MYH9: variants seen among roughly 807,000 people sequenced by gnomAD.
MYH9 encodes myosin-9.
A neutral mutation model predicts 241.9 loss-of-function variants in MYH9; 29 were observed. The observed-to-expected ratio is 0.12, with a 90% confidence interval of 0.09 to 0.16. The LOEUF (loss-of-function observed/expected upper bound fraction) is 0.16. Ranked by LOEUF, MYH9 falls within the 10% of genes least tolerant of loss-of-function variation. MYH9 has a pLI of 1.00. For missense variants in MYH9, 1,803 were observed against 2,595.5 expected (o/e 0.69, Z 6.63); for synonymous variants, 1,047 against 1,062.6 (o/e 0.99, Z 0.29).
chr22:36,327,803 T>C (rs918364958), intron 3 of MYH9, among the ~76,000 whole-genome samples: 1 of 152,192 alleles, frequency 6.6e-6, no homozygotes, highest in East Asian at 1.9e-4. Flanking sequence ...AGGAGTCGAC[T>C]TCCCTGGGAG....
chr22:36,292,101 T>C lies in MYH9; in HGVS notation c.4229A>G (p.Lys1410Arg). 2 of 1,614,180 alleles carry C rather than the reference T, an allele frequency of 1.2e-6. No individual in the cohort carries two copies. Among genetic ancestry groups the C allele is most frequent in the Middle Eastern group, 1.6e-4 (1 of 6,062 alleles). Residue 1410 changes from lysine (K) to arginine (R), a missense_variant, in exon 31 of 41, where the codon AAG becomes AGG. By Grantham distance (26) the Lys-to-Arg change is conservative. This residue lies in a region of MYH9 where 876 missense variants were observed against 1,077.8 expected (regional missense o/e 0.81). Coordinates refer to ENST00000216181, the MANE Select transcript of MYH9 (RefSeq NM_002473.6). ...RHEEKVAAYDKLEKTKTRLQQ... is the reference protein window; with the variant it reads ...RHEEKVAAYDRLEKTKTRLQQ... ...CAGCCGCGTCTTGGTCTTCTCCAGC[T>C]TGTCGTAGGCGGCCACCTTCTCCTC...
intron 18 of MYH9, 104 bp downstream of exon 18, chr22:36,304,929 G>A: frequency 2.6e-6 from 3 of 1,147,078 alleles, no homozygotes; most frequent in Non-Finnish European, 3.9e-6. Context: ...CACAGCCTGG[G>A]CATCCACCGA....
chr22:36,303,911 G>A (rs2016928543), intron 19 of MYH9, 84 bp downstream of exon 19: 23 of 1,519,062 alleles, frequency 1.5e-5, no homozygotes, highest in Middle Eastern at 2.0e-4. Context: ...TGGCTGCAGC[G>A]GGGTGGCCTG....
intron 1 of MYH9, among the ~76,000 whole-genome samples, chr22:36,360,267 G>A (rs1294409001): frequency 6.6e-6 from 1 of 152,138 alleles, no homozygotes; most frequent in East Asian, 1.9e-4. Context: ...CATCCATAGA[G>A]GACAGTTCTC....
At chr22:36,318,380 G>C in intron 10 of MYH9, 55 bp from the exon 11 acceptor site, 1 of 1,385,308 alleles carries the variant, frequency 7.2e-7, no homozygotes, top group East Asian at 2.3e-5. Context: ...AGACCCAAGA[G>C]AGAAAGTTCT....
At chr22:36,301,859 C>G in intron 20 of MYH9, 194 bp from the exon 21 acceptor site, 1 of 669,440 alleles carries the variant, frequency 1.5e-6, no homozygotes, top group Non-Finnish European at 2.6e-6. Flanking sequence ...AACTACATTC[C>G]AGGGAAACTA....
chr22:36,335,320 C>T (rs149615495), intron 3 of MYH9, among the ~76,000 whole-genome samples: 63 of 152,374 alleles, frequency 4.1e-4, no homozygotes, highest in African/African-American at 1.3e-3. Flanking sequence ...TCTTGGAGAG[C>T]CCACGCTGCC....
Position 36,282,639 on chromosome 22 carries a change from C to T in MYH9, c.*29G>A. 1 of 1,598,722 alleles carries T rather than the reference C, an allele frequency of 6.3e-7. No individual in the cohort carries two copies. The highest frequency in any genetic ancestry group is 8.6e-7 in the Non-Finnish European group (1 of 1,166,722). On this transcript the variant is annotated 3_prime_UTR_variant, in exon 41 of 41. Coordinates refer to ENST00000216181, the MANE Select transcript of MYH9 (RefSeq NM_002473.6). The stretch of plus-strand genomic sequence containing the variant: ...GGGGAGGCTGTGGTGTCTGTCTGTC[C>T]ATCCATCTCAGGCTGCAGGAGAAGA...
intron 27 of MYH9, 113 bp downstream of exon 27, chr22:36,294,819 G>A: frequency 1.4e-6 from 2 of 1,460,626 alleles, no homozygotes; most frequent in Non-Finnish European, 1.9e-6. Context: ...CCTGGCCTCA[G>A]AACCAGGCAG....
intron 27 of MYH9, among the ~76,000 whole-genome samples, chr22:36,294,705 T>C (rs1037325012): frequency 1.3e-5 from 2 of 152,236 alleles, no homozygotes; most frequent in Non-Finnish European, 2.9e-5. Flanking sequence ...AAAGTAACGA[T>C]GTAATGTTTT....
intron 3 of MYH9, among the ~76,000 whole-genome samples, chr22:36,334,231 C>T (rs1159473126): frequency 4.6e-5 from 7 of 152,190 alleles, no homozygotes; most frequent in South Asian, 2.1e-4. Context: ...ATGCTGGGGC[C>T]GGGCTTTCCT....
At chr22:36,321,409 A>G (rs997853771) in intron 7 of MYH9, among the ~76,000 whole-genome samples, 2 of 152,232 alleles carry the variant, frequency 1.3e-5, no homozygotes, top group Admixed American at 6.5e-5. Flanking sequence ...GCCTTGTCTC[A>G]TTCTTACAGG....
chr22:36,360,030 A>ACCACCACCACCAC (rs2017912746), intron 1 of MYH9, among the ~76,000 whole-genome samples: 1 of 102,160 alleles, frequency 9.8e-6, no homozygotes, highest in Non-Finnish European at 2.1e-5. Flanking sequence ...ATGAGGACAA[A>ACCACCACCACCAC]CACCACCACC....
rs1311867012 is a variant in MYH9, at chr22:36,298,921, T to C, written c.3098A>G (p.Glu1033Gly). Residue 1033 changes from glutamate to glycine, a missense_variant and splice_region_variant, in exon 24 of 41, where the codon GAA becomes GGA. Physicochemically the swap from Glu to Gly is moderately conservative, Grantham distance 98. Around this residue, in one of 11 missense-constraint regions of MYH9, gnomAD observed 290 missense variants for 360.5 expected, o/e 0.80. Coordinates refer to ENST00000216181, the MANE Select transcript of MYH9 (RefSeq NM_002473.6). ...CCTCCTGCTCGTCACCCCCTCACCTTCCAAGTCAGTGATCATTGCCTCATG... is the reference window on the plus strand; with the variant it reads ...CCTCCTGCTCGTCACCCCCTCACCTCCCAAGTCAGTGATCATTGCCTCATG... Reference protein sequence around the residue: ...NKHEAMITDLEERLRREEKQR... With the variant: ...NKHEAMITDLGERLRREEKQR... The C allele has an allele frequency of 6.2e-7, 1 of 1,613,826 alleles. No homozygotes were observed. Among genetic ancestry groups the C allele is most frequent in the Non-Finnish European group, 8.5e-7 (1 of 1,179,918 alleles).
chr22:36,368,294 T>C (rs1031293164), intron 1 of MYH9, among the ~76,000 whole-genome samples: 16 of 152,232 alleles, frequency 1.1e-4, no homozygotes, highest in African/African-American at 3.4e-4. Flanking sequence ...TAGATTCTAG[T>C]GGTATCCCGT....
intron 1 of MYH9, among the ~76,000 whole-genome samples, chr22:36,387,030 T>C (rs968249093): frequency 6.6e-6 from 1 of 152,198 alleles, no homozygotes; most frequent in African/African-American, 2.4e-5. Flanking sequence ...CCCCGACGGC[T>C]GCTGCATTCC....
At position 36,329,176 on chromosome 22, in the gene MYH9, T is replaced by C. The variant is rs1029587195; in HGVS notation, c.491-1688A>G. ...GGGGCGCAGAGGGGCTGGGTCACTC[T>C]CATTCACAAACACACCCCACACCCT... On this transcript the variant is annotated intron_variant, in intron 3 of 40. Coordinates refer to ENST00000216181, the MANE Select transcript of MYH9 (RefSeq NM_002473.6). This position sits in a 1 kb window ranked among gnomAD's most constrained non-coding sequence, Gnocchi z 4.1. 3.6e-4 allele frequency among the ~76,000 whole-genome samples: 55 copies of C among 152,050 alleles called. No individual in the cohort carries two copies. Among genetic ancestry groups the C allele is most frequent in the Admixed American group, 3.6e-3 (55 of 15,272 alleles).
chr22:36,336,411 A>G (rs919961520), intron 3 of MYH9, among the ~76,000 whole-genome samples: 1 of 152,164 alleles, frequency 6.6e-6, no homozygotes, highest in African/African-American at 2.4e-5. Flanking sequence ...CCTGAACTTT[A>G]CAGCAGACCA....
At chr22:36,296,607 T>G (rs1454188112) in intron 25 of MYH9, among the ~76,000 whole-genome samples, 1 of 144,640 alleles carries the variant, frequency 6.9e-6, no homozygotes, top group South Asian at 2.2e-4. Flanking sequence ...CTATTGTAGG[T>G]GGGTGATAGA....
Sources: gnomAD v4.1 joint callset for allele counts (sites outside exome capture counted in the v4.1 genomes callset) on GRCh38, gnomAD v4.1.1 for gene constraint, gnomAD v4.1.1 regional missense constraint, Gnocchi (gnomAD v3.1) non-coding constraint, MANE v1.5 for transcripts, NCBI Gene and HGNC (gene_info 2026-07-23, HGNC 2026-07-21) for gene names.